Variants in CNTLN observed in about 807,000 individuals in gnomAD.
CNTLN encodes centlein.
In CNTLN, 212 loss-of-function variants were observed where a neutral mutation model predicts 180.0. The observed-to-expected ratio is 1.18, with a 90% CI of 1.05 to 1.32. CNTLN has a LOEUF of 1.32. CNTLN is among the 40% of genes most tolerant of loss of function. The probability of loss-of-function intolerance (pLI) is 0.00; values close to 1 mark genes in which losing one functional copy is unlikely to be tolerated. For missense variants in CNTLN, 2,095 were observed against 1,610.9 expected (o/e 1.30, Z -5.14); for synonymous variants, 722 against 563.1 (o/e 1.28, Z -3.99).
chr9:17,525,721 ATT>A, the CNTLN span, among the ~76,000 whole-genome samples: 2 of 152,168 alleles, frequency 1.3e-5, no homozygotes, highest in Admixed American at 1.3e-4. Context: ...CTAATTTGAA[ATT>A]ACCAGATCCT....
intron 15 of CNTLN, among the ~76,000 whole-genome samples, chr9:17,403,453 C>CA (rs1007448920): frequency 3.3e-5 from 5 of 150,552 alleles, no homozygotes; most frequent in Non-Finnish European, 7.4e-5. Flanking sequence ...TTGCAAATCC[C>CA]AAAAAAAAGC....
At chr9:17,417,832 G>A (rs1828382455) in intron 18 of CNTLN, among the ~76,000 whole-genome samples, 2 of 151,854 alleles carry the variant, frequency 1.3e-5, no homozygotes, top group South Asian at 2.1e-4. Context: ...TTTTTGAGGT[G>A]CCATACTTGG....
chr9:17,139,229 A>G (rs1436972895), intron 1 of CNTLN, among the ~76,000 whole-genome samples: 1 of 151,934 alleles, frequency 6.6e-6, no homozygotes, highest in Non-Finnish European at 1.5e-5. Flanking sequence ...CTGGGATTAC[A>G]GGTTCATGCC....
In CNTLN at chr9:17,426,563, T is replaced by C. The variant is rs898012232; in HGVS notation, c.3114+10374T>C. The stretch of plus-strand genomic sequence containing the variant: ...ACATGTATATAATATATATACATTT[T>C]ATATATGTAATAATTTTATTTGAGT... On this transcript the variant is annotated intron_variant, in intron 18 of 25. Coordinates refer to ENST00000380647, the MANE Select transcript of CNTLN (RefSeq NM_017738.4). Among the ~76,000 whole-genome samples, 4 of 151,748 alleles carry C rather than the reference T, an allele frequency of 2.6e-5. No homozygotes were observed. The East Asian group carries it at 7.7e-4, about 29-fold the overall frequency.
chr9:17,434,797 C>G (rs1829662865), intron 18 of CNTLN, among the ~76,000 whole-genome samples: 1 of 151,150 alleles, frequency 6.6e-6, no homozygotes, highest in African/African-American at 2.4e-5. Context: ...CTCTTCATTC[C>G]TGAAGGATAT....
At chr9:17,295,985 AGAGAGAGAGAGAGTGTGTGTGTGTGTGT>A (rs1447928888) in intron 6 of CNTLN, among the ~76,000 whole-genome samples, 10 of 99,632 alleles carry the variant, frequency 1.0e-4, no homozygotes, top group African/African-American at 3.0e-4. Context: ...AGAGAGAGAG[AGAGAGAGAGAGAGTGTGTGTGTGTGTGT>A]GTGTGTGTGT....
intron 18 of CNTLN, among the ~76,000 whole-genome samples, chr9:17,441,597 A>T (rs1830112875): frequency 6.6e-6 from 1 of 151,946 alleles, no homozygotes; most frequent in Admixed American, 6.6e-5. Context: ...TCACTGCAAA[A>T]AAAAAAAAAA....
chr9:17,350,649 T>A (rs781503733), intron 12 of CNTLN, among the ~76,000 whole-genome samples: 1 of 152,126 alleles, frequency 6.6e-6, no homozygotes, highest in Non-Finnish European at 1.5e-5. Flanking sequence ...AAATTCAAGA[T>A]CATGGTGCCG....
chr9:17,322,573 A>G (rs1172377245), intron 8 of CNTLN, among the ~76,000 whole-genome samples: 15 of 152,126 alleles, frequency 9.9e-5, no homozygotes, highest in Admixed American at 9.8e-4. Context: ...CTATAGTGGC[A>G]CTTCTCTTGC....
intron 6 of CNTLN, among the ~76,000 whole-genome samples, chr9:17,292,627 C>T (rs1265057839): frequency 2.0e-5 from 3 of 152,092 alleles, no homozygotes; most frequent in Admixed American, 6.5e-5. Flanking sequence ...GTGATGTTCT[C>T]AGGTTGTGTT....
intron 2 of CNTLN, among the ~76,000 whole-genome samples, chr9:17,187,071 C>T (rs1015867856): frequency 4.6e-5 from 7 of 151,998 alleles, no homozygotes; most frequent in African/African-American, 7.2e-5. Context: ...CCCTGATCTA[C>T]CTGCATTTTC....
At chr9:17,473,818 A>G (rs373279642) in intron 23 of CNTLN, among the ~76,000 whole-genome samples, 24 of 152,206 alleles carry the variant, frequency 1.6e-4, no homozygotes, top group African/African-American at 4.3e-4. Flanking sequence ...TAACCTCCAT[A>G]TTGCCCAATC....
chr9:17,347,530 G>T (rs1054626426), intron 12 of CNTLN, among the ~76,000 whole-genome samples: 1 of 152,020 alleles, frequency 6.6e-6, no homozygotes, highest in Non-Finnish European at 1.5e-5. Context: ...TTAGCCAGGT[G>T]TGGTGGCGCA....
intron 7 of CNTLN, chr9:17,301,242 T>G (rs1587577481): frequency 3.0e-6 from 3 of 985,342 alleles, no homozygotes; most frequent in East Asian, 2.3e-4. Context: ...TATATGCCCC[T>G]ATTTGGCGAA....
At chr9:17,334,112 T>G (rs748707070) in intron 10 of CNTLN, among the ~76,000 whole-genome samples, 7 of 152,122 alleles carry the variant, frequency 4.6e-5, no homozygotes, top group Admixed American at 1.3e-4. Flanking sequence ...TAGGCTAGAG[T>G]GCAGTGGCAT....
intron 2 of CNTLN, among the ~76,000 whole-genome samples, chr9:17,211,822 G>C (rs571127465): frequency 6.6e-6 from 1 of 152,228 alleles, no homozygotes; most frequent in East Asian, 1.9e-4. Context: ...AAGCAATTGT[G>C]AATGGGAGTT....
Position 17,395,139 on chromosome 9 carries a change from T to C in CNTLN, c.2615+70T>C. ...TATGTAAAGCACTAGCAAATGGAGATTGAATTTCAACTACTGTCGATTTGG... is the reference window on the plus strand; with the variant it reads ...TATGTAAAGCACTAGCAAATGGAGACTGAATTTCAACTACTGTCGATTTGG... On this transcript the variant is annotated intron_variant, in intron 15 of 25. Transcript: ENST00000380647. 2.7e-6 allele frequency: 4 copies of C among 1,491,318 alleles called. No homozygotes were observed. The South Asian group carries it at 4.3e-5, about 16-fold the overall frequency. The allele number at this position is 1,491,318 out of a possible 1,614,324, so 92.4% of individuals were successfully genotyped here.
At chr9:17,337,911 T>C (rs1387813062) in intron 10 of CNTLN, among the ~76,000 whole-genome samples, 1 of 152,162 alleles carries the variant, frequency 6.6e-6, no homozygotes, top group Non-Finnish European at 1.5e-5. Context: ...AAAACTTTAG[T>C]CATTCCCCAA....
intron 12 of CNTLN, among the ~76,000 whole-genome samples, chr9:17,364,673 T>C (rs1823664183): frequency 6.6e-6 from 1 of 152,206 alleles, no homozygotes; most frequent in Non-Finnish European, 1.5e-5. Context: ...CTTATTTATA[T>C]ACTTATTGTC....
Sources: gnomAD v4.1 joint callset for allele counts (sites outside exome capture counted in the v4.1 genomes callset) on GRCh38, gnomAD v4.1.1 for gene constraint, MANE v1.5 for transcripts, NCBI Gene and HGNC (gene_info 2026-07-23, HGNC 2026-07-21) for gene names.